Variants in KIAA1217 observed in about 807,000 individuals in gnomAD.
The protein encoded by KIAA1217 is KIAA1217, also known as sickle tail protein homolog.
A neutral mutation model predicts 163.9 loss-of-function variants in KIAA1217; 88 were observed. The ratio of observed to expected loss-of-function variants is 0.54; its 90% CI spans 0.45 to 0.64. The LOEUF is 0.64. Among genes scored for constraint, KIAA1217 ranks in the 30% least tolerant of loss-of-function variants. The probability of loss-of-function intolerance (pLI) is 0.00; values close to 1 mark genes in which losing one functional copy is unlikely to be tolerated. For missense variants in KIAA1217, 2,372 were observed against 2,475.0 expected (o/e 0.96, Z 0.88); for synonymous variants, 903 against 923.1 (o/e 0.98, Z 0.39).
intron 2 of KIAA1217, among the ~76,000 whole-genome samples, chr10:24,284,985 A>G (rs1459520244): frequency 1.3e-5 from 2 of 152,240 alleles, no homozygotes; most frequent in African/African-American, 4.8e-5. Context: ...TTAATGATCA[A>G]TGATGATTAG....
At chr10:24,094,095 G>A (rs953139096) in intron 2 of KIAA1217, among the ~76,000 whole-genome samples, 8 of 151,990 alleles carry the variant, frequency 5.3e-5, no homozygotes, top group African/African-American at 1.9e-4. Flanking sequence ...ATTGTGAATA[G>A]TGCCGCAATA....
At chr10:24,452,921 T>G (rs1340169481) in intron 5 of KIAA1217, among the ~76,000 whole-genome samples, 1 of 152,046 alleles carries the variant, frequency 6.6e-6, no homozygotes, top group East Asian at 1.9e-4. Context: ...ATACACCTAC[T>G]CTGTTGGCAC....
intron 2 of KIAA1217, among the ~76,000 whole-genome samples, chr10:24,200,310 G>A (rs540696804): frequency 7.3e-5 from 11 of 151,578 alleles, no homozygotes; most frequent in African/African-American, 2.4e-4. Context: ...CCGGGCTTCC[G>A]GCTAATTTTC....
rs554136258 is a variant in KIAA1217, at chr10:24,547,565, C to T, written c.*1241C>T. 3.3e-5 allele frequency: 5 copies of T among 152,246 alleles called. No individual in the cohort carries two copies. The highest frequency in any genetic ancestry group is 7.2e-5 in the African/African-American group (3 of 41,546). 9.4% of individuals were successfully genotyped at this position (152,246 alleles called of 1,614,324 possible). On this transcript the variant is annotated 3_prime_UTR_variant, in exon 21 of 21. Coordinates refer to ENST00000376454, the MANE Select transcript of KIAA1217 (RefSeq NM_019590.5). ...ACTGTTACCGAGTTAAATGTTTTTC[C>T]GCTTTGAGGGATGTAACCACATCCA...
intron 1 of KIAA1217, among the ~76,000 whole-genome samples, chr10:23,704,473 T>TCAG (rs1021274960): frequency 6.6e-6 from 1 of 151,886 alleles, no homozygotes; most frequent in African/African-American, 2.4e-5. Flanking sequence ...TTCCAGCCTG[T>TCAG]CAGCCCCTGA....
At chr10:24,478,862 C>T (rs1383367366) in intron 6 of KIAA1217, among the ~76,000 whole-genome samples, 2 of 152,064 alleles carry the variant, frequency 1.3e-5, no homozygotes, top group Non-Finnish European at 2.9e-5. Context: ...TGTAAAATAC[C>T]TTTAGTGAAA....
In KIAA1217 at chr10:24,275,058, C is replaced by T. The variant is rs539045310; in HGVS notation, c.354+55149C>T. Among the ~76,000 whole-genome samples the T allele has an allele frequency of 2.0e-5, 3 of 152,240 alleles. No individual in the cohort carries two copies. In the East Asian group the frequency reaches 5.8e-4, roughly 29 times the overall value. On this transcript the variant is annotated intron_variant, in intron 2 of 20. Coordinates refer to ENST00000376454, the MANE Select transcript of KIAA1217 (RefSeq NM_019590.5). ...GCTCAAGTGATCTTCCCACCTCAGC[C>T]TCCCAAATATCTGGGACTACAGGCA...
rs550315447 is a variant in KIAA1217 at position 23,960,500 on chromosome 10, G to A, written c.-320-46725G>A. 7.2e-5 allele frequency among the ~76,000 whole-genome samples: 11 copies of A among 151,924 alleles called. No homozygotes were observed. In the East Asian group the frequency reaches 1.8e-3, roughly 24 times the overall value. On this transcript the variant is annotated intron_variant, in intron 1 of 18. Transcript: ENST00000376462. ...TCCAACTCCCAATTTCAGGTGATCC[G>A]CCTGCCTTGGCCTCCCAAAGTGCTG...
At chr10:24,118,174 G>A (rs1191102096) in intron 2 of KIAA1217, among the ~76,000 whole-genome samples, 1 of 149,250 alleles carries the variant, frequency 6.7e-6, no homozygotes, top group East Asian at 2.0e-4. Flanking sequence ...AAAAAGAAAC[G>A]AAAGTCATGG....
intron 3 of KIAA1217, among the ~76,000 whole-genome samples, chr10:24,390,015 G>C (rs920201474): frequency 9.2e-5 from 14 of 152,132 alleles, no homozygotes; most frequent in African/African-American, 3.4e-4. Flanking sequence ...AGAGTTTAAG[G>C]AAGCTTCCTC....
chr10:23,865,270 A>G (rs1382274995), intron 1 of KIAA1217, among the ~76,000 whole-genome samples: 3 of 152,192 alleles, frequency 2.0e-5, no homozygotes, highest in Admixed American at 6.5e-5. Context: ...ATTAATGCAG[A>G]TCAAATGAAT....
intron 2 of KIAA1217, among the ~76,000 whole-genome samples, chr10:24,282,367 C>T (rs1247506888): frequency 2.6e-5 from 4 of 152,152 alleles, no homozygotes; most frequent in South Asian, 2.1e-4. Context: ...GAAGTCACTA[C>T]GTGTTATCCA....
At chr10:24,136,255 A>G (rs1248673744) in intron 2 of KIAA1217, among the ~76,000 whole-genome samples, 1 of 152,208 alleles carries the variant, frequency 6.6e-6, no homozygotes, top group African/African-American at 2.4e-5. Flanking sequence ...TTCAAACATA[A>G]TGAGTAATTG....
intron 2 of KIAA1217, among the ~76,000 whole-genome samples, chr10:24,052,040 T>G (rs1398970092): frequency 6.6e-6 from 1 of 152,106 alleles, no homozygotes; most frequent in Non-Finnish European, 1.5e-5. Context: ...CCAATTGGCA[T>G]GGCTTCTTAT....
At chr10:24,138,295 C>G (rs2063912858) in intron 2 of KIAA1217, among the ~76,000 whole-genome samples, 1 of 152,110 alleles carries the variant, frequency 6.6e-6, no homozygotes, top group South Asian at 2.1e-4. Context: ...ACTGGGACTA[C>G]AGGTGCACAC....
intron 2 of KIAA1217, among the ~76,000 whole-genome samples, chr10:24,085,639 C>T (rs1264457144): frequency 6.6e-6 from 1 of 151,920 alleles, no homozygotes; most frequent in Non-Finnish European, 1.5e-5. Context: ...CTCTTCACCC[C>T]ATACCACAGA....
chr10:23,819,910 A>C (rs182268628), intron 1 of KIAA1217, among the ~76,000 whole-genome samples: 2 of 152,132 alleles, frequency 1.3e-5, no homozygotes, highest in Non-Finnish European at 2.9e-5. Flanking sequence ...TCTCCGTGTA[A>C]AATAAAACTT....
At chr10:24,348,380 A>G (rs1424532848) in intron 2 of KIAA1217, among the ~76,000 whole-genome samples, 1 of 152,160 alleles carries the variant, frequency 6.6e-6, no homozygotes, top group Non-Finnish European at 1.5e-5. Flanking sequence ...AAGAATTACC[A>G]GTAAGTATAC....
At chr10:24,489,019 A>G (rs1311308970) in intron 6 of KIAA1217, among the ~76,000 whole-genome samples, 1 of 152,204 alleles carries the variant, frequency 6.6e-6, no homozygotes, top group Non-Finnish European at 1.5e-5. Context: ...TTGGCCATGT[A>G]ACACTTTCTG....
Sources: allele counts gnomAD v4.1 joint callset (sites outside exome capture counted in the v4.1 genomes callset), GRCh38; gene constraint gnomAD v4.1.1; transcripts MANE v1.5; gene names NCBI Gene and HGNC (gene_info 2026-07-23, HGNC 2026-07-21).